NCKAP5: variants seen among roughly 807,000 people sequenced by gnomAD.
NCKAP5 encodes the protein nck-associated protein 5.
NCKAP5 carries 92 observed loss-of-function variants against 167.0 expected under a neutral mutation model. The ratio of observed to expected loss-of-function variants is 0.55; its 90% CI spans 0.47 to 0.66. NCKAP5 has a LOEUF of 0.66. Ranked by LOEUF, NCKAP5 falls within the 30% of genes least tolerant of loss-of-function variation. The pLI is 0.00. For synonymous variants in NCKAP5, 891 were observed against 877.4 expected, an observed-to-expected ratio of 1.02 and a Z score of -0.27; for missense variants, 2,378 against 2,315.0, an observed-to-expected ratio of 1.03 and a Z score of -0.56.
At chr2:133,202,608 G>A (rs550896402) in intron 5 of NCKAP5, among the ~76,000 whole-genome samples, 132 of 152,194 alleles carry the variant, frequency 8.7e-4, no homozygotes, top group African/African-American at 3.1e-3. Context: ...GCAACCTGCA[G>A]AATGGGAGAA....
intron 8 of NCKAP5, among the ~76,000 whole-genome samples, chr2:132,894,431 C>T (rs115439327): frequency 1.4e-3 from 213 of 152,260 alleles, no homozygotes; most frequent in African/African-American, 4.8e-3. Context: ...ATTGCCTTGC[C>T]ATGTAATGAC....
At chr2:133,486,665 ACT>A (rs1280599766) in intron 3 of NCKAP5, among the ~76,000 whole-genome samples, 2 of 152,006 alleles carry the variant, frequency 1.3e-5, no homozygotes, top group Non-Finnish European at 2.9e-5. Flanking sequence ...AGAAATTTTG[ACT>A]CTGTGACAGC....
intron 8 of NCKAP5, among the ~76,000 whole-genome samples, chr2:132,895,124 G>T (rs1292931243): frequency 1.3e-5 from 2 of 152,148 alleles, no homozygotes; most frequent in South Asian, 2.1e-4. Flanking sequence ...AAGGTCAGGA[G>T]ATGGAGACCT....
intron 11 of NCKAP5, among the ~76,000 whole-genome samples, chr2:132,805,142 T>C (rs17325782): frequency 0.1 from 15,785 of 152,072 alleles, 1,110 homozygotes; most frequent in East Asian, 0.2. Context: ...TGTGAACACT[T>C]ATCGAGCTCT....
intron 1 of NCKAP5, among the ~76,000 whole-genome samples, chr2:133,565,435 C>T (rs564647840): frequency 2.6e-5 from 4 of 152,346 alleles, no homozygotes; most frequent in Non-Finnish European, 5.9e-5. Flanking sequence ...GAAGGAGGCA[C>T]TCTCATTATC....
intron 5 of NCKAP5, 134 bp downstream of exon 5, chr2:133,213,582 A>T: frequency 1.2e-6 from 1 of 801,210 alleles, no homozygotes; most frequent in Non-Finnish European, 2.1e-6. Flanking sequence ...TATTATAAAT[A>T]CATCATTTGC....
intron 15 of NCKAP5, 51 bp from the exon 16 acceptor site, chr2:132,773,945 TC>T: frequency 6.7e-7 from 1 of 1,496,420 alleles, no homozygotes; most frequent in Non-Finnish European, 9.2e-7. Flanking sequence ...ATTAAAAAGA[TC>T]CTTTTGCAAT....
the NCKAP5 span, among the ~76,000 whole-genome samples, chr2:133,628,789 G>A: frequency 4.6e-5 from 7 of 152,026 alleles, no homozygotes; most frequent in African/African-American, 1.2e-4. Context: ...AAAAACAGAC[G>A]CATAGACCAA....
chr2:133,083,135 AT>A (rs2080868629), intron 6 of NCKAP5, among the ~76,000 whole-genome samples: 1 of 152,126 alleles, frequency 6.6e-6, no homozygotes, highest in African/African-American at 2.4e-5. Flanking sequence ...AGTCAACAAT[AT>A]CTAAATAATT....
chr2:133,040,613 C>T (rs2079183687), intron 6 of NCKAP5, among the ~76,000 whole-genome samples: 2 of 152,114 alleles, frequency 1.3e-5, no homozygotes, highest in African/African-American at 4.8e-5. Flanking sequence ...AATCTATTTA[C>T]ATCAACCAGT....
intron 6 of NCKAP5, among the ~76,000 whole-genome samples, chr2:133,002,586 T>C (rs1010358584): frequency 1.3e-5 from 2 of 152,198 alleles, no homozygotes; most frequent in Non-Finnish European, 2.9e-5. Flanking sequence ...AGACCAGCTA[T>C]TCATGGAAAT....
intron 4 of NCKAP5, among the ~76,000 whole-genome samples, chr2:133,257,390 G>GT: frequency 6.6e-6 from 1 of 152,266 alleles, no homozygotes; most frequent in African/African-American, 2.4e-5. Flanking sequence ...CATAACAGGC[G>GT]TAAGAATGGA....
chr2:133,254,417 G>A (rs1379299385), intron 4 of NCKAP5, among the ~76,000 whole-genome samples: 4 of 152,020 alleles, frequency 2.6e-5, no homozygotes, highest in South Asian at 2.1e-4. Context: ...ATACTTCGAC[G>A]AGGCTGAGCC....
intron 3 of NCKAP5, among the ~76,000 whole-genome samples, chr2:133,463,026 A>G (rs1041816896): frequency 3.0e-4 from 45 of 152,186 alleles, no homozygotes; most frequent in Admixed American, 2.9e-3. Context: ...ATTAGTCGCT[A>G]ATATCAACAT....
intron 19 of NCKAP5, among the ~76,000 whole-genome samples, chr2:132,725,101 A>G (rs1690318554): frequency 5.3e-5 from 8 of 152,208 alleles, no homozygotes. Context: ...AGGAAGTACC[A>G]TCTGAATAGA....
chr2:133,542,927 A>C (rs1686349339), intron 2 of NCKAP5, among the ~76,000 whole-genome samples: 1 of 152,214 alleles, frequency 6.6e-6, no homozygotes, highest in African/African-American at 2.4e-5. Context: ...AACACTATGT[A>C]TACCATAGGT....
At chr2:132,935,615 C>T (rs958183924) in intron 8 of NCKAP5, among the ~76,000 whole-genome samples, 1 of 152,012 alleles carries the variant, frequency 6.6e-6, no homozygotes, top group Non-Finnish European at 1.5e-5. Flanking sequence ...GAAGGTGAAG[C>T]TGACAGTAGG....
At position 133,328,119 on chromosome 2, in the gene NCKAP5, A is replaced by G. The variant is rs988787235; in HGVS notation, c.70-25009T>C. On this transcript the variant is annotated intron_variant, in intron 3 of 19. Transcript: ENST00000409261. ...GATTGGTAGAACCAAGATTTGAAAA[A>G]ATGTTCCTCTGCCTCCAGAGCTGTA... Among the ~76,000 whole-genome samples the G allele has an allele frequency of 2.3e-4, 35 of 152,176 alleles. 1 individual carries two copies. The highest frequency in any genetic ancestry group is 2.3e-3 in the Admixed American group (35 of 15,284).
At chr2:132,869,136 A>G (rs1379259809) in intron 9 of NCKAP5, among the ~76,000 whole-genome samples, 162 bp from the exon 10 acceptor site, 1 of 152,194 alleles carries the variant, frequency 6.6e-6, no homozygotes, top group Non-Finnish European at 1.5e-5. Context: ...TAATAAGTCT[A>G]TCCTTCTAGG....
Sources: allele counts gnomAD v4.1 joint callset (sites outside exome capture counted in the v4.1 genomes callset), GRCh38; gene constraint gnomAD v4.1.1; transcripts MANE v1.5; gene names NCBI Gene and HGNC (gene_info 2026-07-23, HGNC 2026-07-21).